DCDC1: variants seen among roughly 807,000 people sequenced by gnomAD.
DCDC1 encodes doublecortin domain-containing protein 1.
In DCDC1, 200 loss-of-function variants were observed where a neutral mutation model predicts 178.3. That is an observed-to-expected ratio of 1.12 (90% CI 1.00 to 1.26). The LOEUF (loss-of-function observed/expected upper bound fraction) is 1.26, where lower values mean the gene tolerates loss of function less well. Ranked by LOEUF, DCDC1 falls within the 50% of genes most tolerant of loss-of-function variation. DCDC1 has a pLI of 0.00. For synonymous variants in DCDC1, 690 were observed against 604.8 expected (o/e 1.14, Z -2.07); for missense variants, 1,983 against 1,749.2 (o/e 1.13, Z -2.38).
At chr11:31,155,267 A>G (rs1591246934) in intron 9 of DCDC1, among the ~76,000 whole-genome samples, 1 of 152,164 alleles carries the variant, frequency 6.6e-6, no homozygotes, top group Admixed American at 6.5e-5. Flanking sequence ...TTCATGTTCA[A>G]TGTTTGAATT....
chr11:30,969,533 T>C (rs1949661693), intron 20 of DCDC1, among the ~76,000 whole-genome samples: 1 of 152,220 alleles, frequency 6.6e-6, no homozygotes, highest in South Asian at 2.1e-4. Flanking sequence ...GATAAATTTC[T>C]ATTGTTTTAA....
intron 9 of DCDC1, among the ~76,000 whole-genome samples, chr11:31,191,668 C>T (rs943058035): frequency 1.3e-5 from 2 of 151,960 alleles, no homozygotes; most frequent in African/African-American, 2.4e-5. Context: ...AAATAAAGGT[C>T]ATGAGAAAGA....
chr11:30,894,416 CT>C, intron 34 of DCDC1, 32 bp from the exon 35 acceptor site: 1 of 1,605,036 alleles, frequency 6.2e-7, no homozygotes, highest in Non-Finnish European at 8.5e-7. Flanking sequence ...AATTTTGTTT[CT>C]GATGATAGGC....
intron 20 of DCDC1, among the ~76,000 whole-genome samples, chr11:31,048,509 C>T (rs1955010665): frequency 6.6e-6 from 1 of 152,112 alleles, no homozygotes; most frequent in South Asian, 2.1e-4. Context: ...TTAGAGACTT[C>T]TGGTCAAAAA....
chr11:31,029,434 C>T (rs180952380), intron 20 of DCDC1, among the ~76,000 whole-genome samples: 7 of 152,104 alleles, frequency 4.6e-5, no homozygotes, highest in Admixed American at 4.6e-4. Flanking sequence ...ACTGAGAAAA[C>T]AATGGTGATG....
In DCDC1 at chr11:31,119,449, G is replaced by T. The variant is rs552334604; in HGVS notation, c.1485+8020C>A. Among the ~76,000 whole-genome samples the T allele has an allele frequency of 9.9e-5, 15 of 152,162 alleles. No homozygotes were observed. The South Asian group carries it at 3.1e-3, about 32-fold the overall frequency. On this transcript the variant is annotated intron_variant, in intron 11 of 38. Transcript: ENST00000684477. ...AGGTGACATAACAGAGCATCCTAGG[G>T]GTTATAAATACATGTTTAGGAAAAG...
At chr11:31,093,165 G>C (rs1957920011) in intron 16 of DCDC1, among the ~76,000 whole-genome samples, 1 of 152,200 alleles carries the variant, frequency 6.6e-6, no homozygotes, top group Non-Finnish European at 1.5e-5. Context: ...TTCAGGAAAA[G>C]CTCATGTAAA....
At chr11:31,268,964 A>C (rs1028427929) in intron 7 of DCDC1, among the ~76,000 whole-genome samples, 2 of 152,210 alleles carry the variant, frequency 1.3e-5, no homozygotes, top group African/African-American at 4.8e-5. Context: ...ATTGAGCTAA[A>C]ACATCAGTAA....
intron 7 of DCDC1, among the ~76,000 whole-genome samples, chr11:31,276,733 A>T (rs966753990): frequency 6.6e-5 from 10 of 152,112 alleles, no homozygotes; most frequent in African/African-American, 2.4e-4. Context: ...TATTTGTCTT[A>T]TTCTCATAAA....
At chr11:31,195,688 T>C (rs953884839) in intron 9 of DCDC1, among the ~76,000 whole-genome samples, 4 of 152,052 alleles carry the variant, frequency 2.6e-5, no homozygotes, top group Non-Finnish European at 4.4e-5. Context: ...ACGTTTCTAA[T>C]ATATATTTAT....
intron 20 of DCDC1, among the ~76,000 whole-genome samples, chr11:31,011,520 C>A (rs555343269): frequency 6.6e-6 from 1 of 152,174 alleles, no homozygotes; most frequent in Non-Finnish European, 1.5e-5. Context: ...TGCTCTGCTT[C>A]ACCAGTAGTC....
chr11:30,865,379 AAC>A (rs1192980748), intron 38 of DCDC1, 47 bp from the exon 39 acceptor site: 1 of 152,708 alleles, frequency 6.5e-6, no homozygotes, highest in Non-Finnish European at 1.5e-5. Flanking sequence ...TATATACATG[AAC>A]ACACGCACAC....
chr11:31,064,346 C>T (rs1308247341), intron 20 of DCDC1, 123 bp downstream of exon 20: 26 of 600,072 alleles, frequency 4.3e-5, no homozygotes, highest in Middle Eastern at 6.1e-4. Context: ...AAAACTACTA[C>T]GCTTGAAAGC....
At chr11:31,266,334 C>A (rs1296098032) in intron 7 of DCDC1, among the ~76,000 whole-genome samples, 2 of 152,050 alleles carry the variant, frequency 1.3e-5, no homozygotes, top group Non-Finnish European at 2.9e-5. Context: ...AATTATCTTT[C>A]CAACTTCAAG....
At chr11:31,341,039 A>G (rs1950514686) in intron 1 of DCDC1, among the ~76,000 whole-genome samples, 1 of 152,138 alleles carries the variant, frequency 6.6e-6, no homozygotes, top group Admixed American at 6.6e-5. Flanking sequence ...GATGTCCAAC[A>G]TGAAAGCCTC....
At chr11:30,911,495 G>C (rs1439128316) in intron 27 of DCDC1, 75 bp from the exon 28 acceptor site, 1 of 1,117,470 alleles carries the variant, frequency 8.9e-7, no homozygotes, top group Non-Finnish European at 1.3e-6. Flanking sequence ...ACTTAGCACT[G>C]TGTTGCCTCT....
intron 21 of DCDC1, among the ~76,000 whole-genome samples, chr11:30,937,226 CCT>C (rs895245128): frequency 2.6e-4 from 40 of 152,248 alleles, no homozygotes; most frequent in African/African-American, 9.6e-4. Context: ...CCCTCTTACC[CCT>C]GATACTGCTA....
chr11:31,030,176 C>T (rs1953528413), intron 20 of DCDC1, among the ~76,000 whole-genome samples: 1 of 149,874 alleles, frequency 6.7e-6, no homozygotes, highest in Non-Finnish European at 1.5e-5. Flanking sequence ...GCTTATCTTT[C>T]ATAGGATTTC....
chr11:31,310,462 G>A (rs1948708181), intron 3 of DCDC1, among the ~76,000 whole-genome samples: 1 of 151,650 alleles, frequency 6.6e-6, no homozygotes, highest in Admixed American at 6.6e-5. Context: ...GAGACTACAG[G>A]CGCATGCAAC....
Sources: allele counts gnomAD v4.1 joint callset (sites outside exome capture counted in the v4.1 genomes callset), GRCh38; gene constraint gnomAD v4.1.1; transcripts MANE v1.5; gene names NCBI Gene and HGNC (gene_info 2026-07-23, HGNC 2026-07-21).